The following LRRC7 variants were observed in gnomAD, a reference collection of about 807,000 sequenced individuals.
LRRC7 encodes the protein leucine-rich repeat-containing protein 7.
Under a neutral mutation model 175.7 loss-of-function variants are expected in LRRC7, and 23 were observed. The ratio of observed to expected loss-of-function variants is 0.13; its 90% confidence interval spans 0.09 to 0.19. LRRC7 has a LOEUF of 0.19. LRRC7 is among the 10% of genes least tolerant of loss of function. The pLI is 1.00. For synonymous variants in LRRC7, 685 were observed against 680.9 expected, an observed-to-expected ratio of 1.01 and a Z score of -0.09; for missense variants, 1,354 against 1,904.7, an observed-to-expected ratio of 0.71 and a Z score of 5.38.
chr1:70,107,483 C>A (rs1447811771), intron 25 of LRRC7, among the ~76,000 whole-genome samples: 4 of 152,124 alleles, frequency 2.6e-5, no homozygotes, highest in Admixed American at 2.6e-4. Context: ...AGGAAAAAAT[C>A]ATTAAGAATA....
intron 1 of LRRC7, among the ~76,000 whole-genome samples, chr1:69,641,972 C>T (rs36080227): frequency 0.32 from 48,075 of 151,518 alleles, 8,211 homozygotes; most frequent in East Asian, 0.59. Context: ...TTTAAGCTAG[C>T]TGTTAGAGCT....
chr1:69,740,104 A>G (rs549812170), intron 2 of LRRC7, among the ~76,000 whole-genome samples: 118 of 152,194 alleles, frequency 7.8e-4, no homozygotes, highest in African/African-American at 2.6e-3. Flanking sequence ...AAGAAGCACA[A>G]TGATTTACGA....
At chr1:69,618,127 C>T (rs1649976206) in intron 1 of LRRC7, among the ~76,000 whole-genome samples, 1 of 151,944 alleles carries the variant, frequency 6.6e-6, no homozygotes, top group Admixed American at 6.6e-5. Flanking sequence ...ACACACTTAT[C>T]TCATTTTTTT....
intron 7 of LRRC7, among the ~76,000 whole-genome samples, chr1:69,927,158 A>G (rs546785393): frequency 2.0e-5 from 3 of 152,288 alleles, no homozygotes; most frequent in East Asian, 3.9e-4. Context: ...TGGCTTGTAA[A>G]GTTTCTGCCA....
rs575075828 is a variant in LRRC7, at chr1:69,720,037, C to G, written c.101-40154C>G. 4.0e-5 allele frequency among the ~76,000 whole-genome samples: 6 copies of G among 151,502 alleles called. No homozygotes were observed. In the South Asian group the frequency reaches 1.2e-3, roughly 31 times the overall value. ...ATCTCTTGTAAGCATCTTATAGTAGCCTTCATTTAAAAAACCTAATCTGAC... is the reference window on the plus strand; with the variant it reads ...ATCTCTTGTAAGCATCTTATAGTAGGCTTCATTTAAAAAACCTAATCTGAC... On this transcript the variant is annotated intron_variant, in intron 2 of 26. Transcript: ENST00000651989.
rs1004472567 is a variant in LRRC7 at position 70,138,055 on chromosome 1, T to C, written c.*16168T>C. ...TTCAAAAAGTGTATGAATTCAGTTA[T>C]GGTCTGGAAAATTAGCTGCCATTTT... is the stretch of plus-strand genomic sequence containing the variant. On this transcript the variant is annotated 3_prime_UTR_variant, in exon 27 of 27. Coordinates refer to ENST00000651989, the MANE Select transcript of LRRC7 (RefSeq NM_001370785.2). The C allele has an allele frequency of 6.6e-6, 1 of 152,248 alleles. No homozygotes were observed. The highest frequency in any genetic ancestry group is 2.4e-5 in the African/African-American group (1 of 41,478). 9.4% of individuals were successfully genotyped at this position (152,248 alleles called of 1,614,324 possible). A position where few individuals can be genotyped will look rare whatever the true frequency, so the allele number is the denominator to read the frequency against.
chr1:69,738,714 G>A (rs1214302817), intron 2 of LRRC7, among the ~76,000 whole-genome samples: 3 of 152,022 alleles, frequency 2.0e-5, no homozygotes, highest in Non-Finnish European at 4.4e-5. Flanking sequence ...TAAAGGCAAG[G>A]CCTCCCAGGG....
chr1:70,035,625 CAA>C (rs765207825), intron 18 of LRRC7, among the ~76,000 whole-genome samples: 9 of 71,822 alleles, frequency 1.3e-4, no homozygotes, highest in African/African-American at 9.1e-5. Context: ...TAGGGATGCA[CAA>C]AAAAAAAAAA....
chr1:70,035,567 C>T (rs980885094), intron 18 of LRRC7, among the ~76,000 whole-genome samples: 4 of 124,244 alleles, frequency 3.2e-5, no homozygotes, highest in Middle Eastern at 5.9e-3. Context: ...AGGAGGAAAG[C>T]GGTGGGAAGA....
At chr1:69,796,175 GT>G (rs1179224827) in intron 4 of LRRC7, among the ~76,000 whole-genome samples, 1 of 129,204 alleles carries the variant, frequency 7.7e-6, no homozygotes, top group Non-Finnish European at 1.5e-5. Flanking sequence ...GTGTCCATGT[GT>G]TCTCATTGTT....
intron 5 of LRRC7, among the ~76,000 whole-genome samples, chr1:69,830,223 G>A (rs1403812347): frequency 6.6e-6 from 1 of 151,788 alleles, no homozygotes; most frequent in Non-Finnish European, 1.5e-5. Context: ...ATGCTCAGCA[G>A]TGAAGAAATT....
In LRRC7 at chr1:69,735,021, A is replaced by G. The variant is rs150116585; in HGVS notation, c.101-25170A>G. On this transcript the variant is annotated intron_variant, in intron 2 of 26. Transcript: ENST00000651989. ...ATATAATCTTTACCTAGATTCACCAATTGCCAACATTGGGCCACATTAGTT... is the reference window on the plus strand; with the variant it reads ...ATATAATCTTTACCTAGATTCACCAGTTGCCAACATTGGGCCACATTAGTT... Among the ~76,000 whole-genome samples, 191 of 152,062 alleles carry G rather than the reference A, an allele frequency of 1.3e-3. 2 individuals are homozygous for G. Among genetic ancestry groups the G allele is most frequent in the Non-Finnish European group, 1.5e-3 (102 of 67,880 alleles).
Position 70,039,155 on chromosome 1 carries a change from C to T in LRRC7, c.3331C>T (p.Pro1111Ser). The T allele has an allele frequency of 6.2e-7, 1 of 1,614,100 alleles. No individual in the cohort carries two copies. Among genetic ancestry groups the T allele is most frequent in the South Asian group, 1.1e-5 (1 of 91,074 alleles). ...AAACATCGCCAAGGATTTGATTAGT[C>T]CTAGAGCTTACAGAGGATACCCACC... Reference protein sequence around the residue: ...SKNIAKDLISPRAYRGYPPME... With the variant: ...SKNIAKDLISSRAYRGYPPME... Residue 1111 changes from proline (P) to serine (S), a missense_variant, in exon 21 of 27, where the codon CCT (proline) becomes TCT (serine). By Grantham distance (74) the Pro-to-Ser change is moderately conservative (BLOSUM62 -1). Around this residue, in one of 4 missense-constraint regions of LRRC7, gnomAD observed 1,032 missense variants for 1,227.2 expected, o/e 0.84. Transcript: ENST00000651989.
intron 7 of LRRC7, among the ~76,000 whole-genome samples, chr1:69,847,680 C>T (rs565489408): frequency 6.6e-6 from 1 of 152,240 alleles, no homozygotes; most frequent in Admixed American, 6.6e-5. Context: ...CACTAGCCAT[C>T]AACTTATGTC....
At chr1:69,754,364 G>A (rs938685328) in intron 2 of LRRC7, among the ~76,000 whole-genome samples, 2 of 151,998 alleles carry the variant, frequency 1.3e-5, no homozygotes, top group African/African-American at 4.8e-5. Context: ...GCTTGTTCAG[G>A]AAATGTTTAG....
chr1:69,801,149 C>T (rs1427267271), intron 4 of LRRC7, among the ~76,000 whole-genome samples: 1 of 151,656 alleles, frequency 6.6e-6, no homozygotes, highest in Non-Finnish European at 1.5e-5. Context: ...ATTTTTGCAT[C>T]TATGTTCACA....
intron 8 of LRRC7, among the ~76,000 whole-genome samples, chr1:69,946,939 G>A (rs554841125): frequency 4.0e-5 from 6 of 151,744 alleles, no homozygotes; most frequent in Admixed American, 3.3e-4. Context: ...TTAGCCACTC[G>A]TGGTGGTGCA....
At chr1:69,738,245 T>C (rs991996349) in intron 2 of LRRC7, among the ~76,000 whole-genome samples, 6 of 152,026 alleles carry the variant, frequency 3.9e-5, no homozygotes, top group Non-Finnish European at 8.8e-5. Context: ...TTCTCTTTTA[T>C]TGGGAAGGTA....
At chr1:70,090,643 T>C (rs1235378366) in intron 25 of LRRC7, among the ~76,000 whole-genome samples, 1 of 152,054 alleles carries the variant, frequency 6.6e-6, no homozygotes, top group East Asian at 1.9e-4. Flanking sequence ...CCTCATCAAA[T>C]TGCATTAACT....
Sources: allele counts gnomAD v4.1 joint callset (sites outside exome capture counted in the v4.1 genomes callset), GRCh38; gene constraint gnomAD v4.1.1; regional missense constraint gnomAD v4.1.1; transcripts MANE v1.5; gene names NCBI Gene and HGNC (gene_info 2026-07-23, HGNC 2026-07-21).